Variants in KLF12 observed in about 807,000 individuals in gnomAD.
KLF12 encodes Krueppel-like factor 12.
In KLF12, 9 loss-of-function variants were observed where a neutral mutation model predicts 37.8. The observed-to-expected ratio is 0.24, with a 90% confidence interval of 0.14 to 0.42. The LOEUF (loss-of-function observed/expected upper bound fraction) is 0.42, where lower values mean the gene tolerates loss of function less well. KLF12 is among the 10% of genes least tolerant of loss of function. The pLI, the probability that KLF12 is intolerant of heterozygous loss-of-function variation, is 1.00. For synonymous variants in KLF12, 208 were observed against 202.1 expected, an observed-to-expected ratio of 1.03 and a Z score of -0.25; for missense variants, 411 against 516.0, an observed-to-expected ratio of 0.80 and a Z score of 1.97.
chr13:73,879,654 A>G (rs1468651595), intron 3 of KLF12, among the ~76,000 whole-genome samples: 3 of 152,230 alleles, frequency 2.0e-5, no homozygotes, highest in Non-Finnish European at 4.4e-5. Context: ...GAAGATATCA[A>G]CAAAAACAAT....
the KLF12 span, among the ~76,000 whole-genome samples, chr13:74,148,669 GAT>G: frequency 4.0e-3 from 603 of 152,168 alleles, 7 homozygotes; most frequent in African/African-American, 0.014. Flanking sequence ...TAGTTAAAGA[GAT>G]AGTTTAGCAC....
chr13:73,742,001 C>T (rs1878028351), intron 6 of KLF12, among the ~76,000 whole-genome samples: 1 of 140,586 alleles, frequency 7.1e-6, no homozygotes, highest in South Asian at 2.6e-4. Flanking sequence ...CCTGCAGTCA[C>T]TCACGTTGAC....
At chr13:73,951,345 C>CT (rs1007414391) in intron 2 of KLF12, among the ~76,000 whole-genome samples, 1 of 152,108 alleles carries the variant, frequency 6.6e-6, no homozygotes, top group Non-Finnish European at 1.5e-5. Context: ...CGCACATCAA[C>CT]TTTTTTTAAC....
rs1289782290 is a variant in KLF12, at chr13:73,690,608, C to T, written c.*4882G>A. 1 of 152,190 alleles carries T rather than the reference C, an allele frequency of 6.6e-6. No homozygotes were observed. The highest frequency in any genetic ancestry group is 2.1e-4 in the South Asian group (1 of 4,826). 9.4% of individuals were successfully genotyped at this position (152,190 alleles called of 1,614,324 possible). On this transcript the variant is annotated 3_prime_UTR_variant, in exon 8 of 8. Transcript: ENST00000377669. ...GGCTAAACCATGACAAGTGGCCACT[C>T]TATTTTGAACAGAACACGAAGAGCA...
the KLF12 span, among the ~76,000 whole-genome samples, chr13:74,222,608 T>C: frequency 2.0e-5 from 3 of 152,234 alleles, no homozygotes; most frequent in Non-Finnish European, 4.4e-5. Flanking sequence ...AAAAAAGCTT[T>C]AGAATCAGTG....
At chr13:74,165,481 T>G in the KLF12 span, among the ~76,000 whole-genome samples, 1 of 151,894 alleles carries the variant, frequency 6.6e-6, no homozygotes, top group South Asian at 2.1e-4. Flanking sequence ...GTACTTTTAG[T>G]AGAGATGGGG....
At chr13:73,829,274 A>T (rs996699719) in intron 4 of KLF12, among the ~76,000 whole-genome samples, 1 of 152,216 alleles carries the variant, frequency 6.6e-6, no homozygotes, top group African/African-American at 2.4e-5. Context: ...ATTAAAATTT[A>T]AAAAAGAAAT....
At chr13:74,101,711 T>C (rs1188995776) in intron 1 of KLF12, among the ~76,000 whole-genome samples, 3 of 151,988 alleles carry the variant, frequency 2.0e-5, no homozygotes, top group Non-Finnish European at 4.4e-5. Flanking sequence ...TATAGGACAA[T>C]ATGAGCATCA....
At chr13:74,271,743 T>C in the KLF12 span, among the ~76,000 whole-genome samples, 2 of 152,136 alleles carry the variant, frequency 1.3e-5, no homozygotes, top group Non-Finnish European at 2.9e-5. Context: ...ATGACAAAAG[T>C]GTGAAGGTAG....
At chr13:74,071,267 T>C (rs1443538914) in intron 1 of KLF12, among the ~76,000 whole-genome samples, 1 of 152,068 alleles carries the variant, frequency 6.6e-6, no homozygotes, top group Non-Finnish European at 1.5e-5. Flanking sequence ...CACACAGGAG[T>C]ATTTTATTAA....
intron 3 of KLF12, among the ~76,000 whole-genome samples, chr13:73,919,360 A>G (rs2139206132): frequency 6.6e-6 from 1 of 152,296 alleles, no homozygotes; most frequent in Non-Finnish European, 1.5e-5. Context: ...AACAGTAACT[A>G]ATCCAAAACA....
chr13:74,302,293 A>G, the KLF12 span, among the ~76,000 whole-genome samples: 2 of 152,166 alleles, frequency 1.3e-5, no homozygotes, highest in South Asian at 4.1e-4. Context: ...TTTAAAAACT[A>G]TATTAAAGTG....
intron 2 of KLF12, among the ~76,000 whole-genome samples, chr13:73,949,599 T>C (rs1295491922): frequency 1.3e-5 from 2 of 152,092 alleles, no homozygotes; most frequent in Non-Finnish European, 2.9e-5. Flanking sequence ...TTCAAAATGG[T>C]TTCATGGCCT....
chr13:73,817,138 G>A (rs1435057046), intron 4 of KLF12, among the ~76,000 whole-genome samples: 2 of 151,756 alleles, frequency 1.3e-5, no homozygotes, highest in East Asian at 1.9e-4. Context: ...ACAACGTAGT[G>A]AGACCCAACC....
At chr13:74,068,090 T>C (rs1041161856) in intron 1 of KLF12, among the ~76,000 whole-genome samples, 37 of 152,212 alleles carry the variant, frequency 2.4e-4, no homozygotes, top group African/African-American at 8.2e-4. Context: ...TCAGCTCCCA[T>C]CAGCCAAGGC....
At chr13:74,078,079 T>G (rs886540783) in intron 1 of KLF12, among the ~76,000 whole-genome samples, 9 of 152,206 alleles carry the variant, frequency 5.9e-5, no homozygotes, top group Non-Finnish European at 1.2e-4. Context: ...TTTGTTTGTT[T>G]AGTGGCTTTC....
the KLF12 span, among the ~76,000 whole-genome samples, chr13:74,268,292 G>C: frequency 6.6e-6 from 1 of 152,180 alleles, no homozygotes; most frequent in Admixed American, 6.6e-5. Context: ...ACTTTTTTTA[G>C]TGGGACATCA....
intron 3 of KLF12, among the ~76,000 whole-genome samples, chr13:73,918,401 A>G (rs1888949659): frequency 6.6e-6 from 1 of 152,210 alleles, no homozygotes; most frequent in Non-Finnish European, 1.5e-5. Context: ...AATTGCTACT[A>G]GAAAATTCAA....
Position 73,834,311 on chromosome 13 carries a change from G to A in KLF12, c.670+11516C>T, listed in dbSNP as rs193208818. 9.7e-4 allele frequency among the ~76,000 whole-genome samples: 148 copies of A among 152,194 alleles called. No individual in the cohort carries two copies. The East Asian group carries it at 0.018, about 19-fold the overall frequency. ...CTGAGAAACCCATATACCTAGCAAAGAATTACCCTTCTTCTAATTCTACCA... is the reference window on the plus strand; with the variant it reads ...CTGAGAAACCCATATACCTAGCAAAAAATTACCCTTCTTCTAATTCTACCA... On this transcript the variant is annotated intron_variant, in intron 4 of 7. Transcript: ENST00000377669.
Sources: gnomAD v4.1 joint callset for allele counts (sites outside exome capture counted in the v4.1 genomes callset) on GRCh38, gnomAD v4.1.1 for gene constraint, MANE v1.5 for transcripts, NCBI Gene and HGNC (gene_info 2026-07-23, HGNC 2026-07-21) for gene names.